Variants in SIK3 observed in about 807,000 individuals in gnomAD.
The protein encoded by SIK3 is serine/threonine-protein kinase SIK3.
SIK3 carries 28 observed loss-of-function variants against 144.2 expected under a neutral mutation model. That is an observed-to-expected ratio of 0.19 (90% confidence interval 0.14 to 0.27). SIK3 has a LOEUF of 0.27. SIK3 is among the 10% of genes least tolerant of loss of function. The pLI is 1.00. For synonymous variants in SIK3, 686 were observed against 676.3 expected (o/e 1.01, Z -0.22); for missense variants, 1,319 against 1,776.0 (o/e 0.74, Z 4.62).
chr11:116,868,759 C>T (rs902055381), intron 14 of SIK3: 5 of 152,262 alleles, frequency 3.3e-5, no homozygotes, highest in Admixed American at 2.6e-4. Flanking sequence ...AAAAGCAAGG[C>T]AAAAAATAAA....
At chr11:116,868,143 T>A in intron 14 of SIK3, 54 bp from the exon 15 acceptor site, 4 of 1,547,360 alleles carry the variant, frequency 2.6e-6, no homozygotes, top group Non-Finnish European at 3.5e-6. Flanking sequence ...GGAATATTCC[T>A]CCACAAGAAG....
chr11:116,888,049 T>C (rs1944917549), intron 6 of SIK3, among the ~76,000 whole-genome samples: 2 of 152,232 alleles, frequency 1.3e-5, no homozygotes, highest in African/African-American at 2.4e-5. Flanking sequence ...TTGAGCTAAC[T>C]ATATCCATTT....
At chr11:116,848,904 A>T (rs1232569656) in intron 22 of SIK3, among the ~76,000 whole-genome samples, 1 of 152,226 alleles carries the variant, frequency 6.6e-6, no homozygotes, top group African/African-American at 2.4e-5. Context: ...TAGAAGTTGC[A>T]GTGAGCTGAT....
At chr11:117,003,658 T>C (rs1396398292) in intron 1 of SIK3, among the ~76,000 whole-genome samples, 2 of 152,164 alleles carry the variant, frequency 1.3e-5, no homozygotes, top group Non-Finnish European at 2.9e-5. Flanking sequence ...TTCAATGCCA[T>C]GCCAGGCACA....
At chr11:116,895,909 C>T (rs1278118446) in intron 6 of SIK3, among the ~76,000 whole-genome samples, 2 of 152,174 alleles carry the variant, frequency 1.3e-5, no homozygotes, top group Non-Finnish European at 2.9e-5. Flanking sequence ...GCATTTATTG[C>T]ATTACTGCTA....
chr11:117,046,517 A>C (rs1194772502), intron 1 of SIK3, among the ~76,000 whole-genome samples: 1 of 152,206 alleles, frequency 6.6e-6, no homozygotes, highest in Admixed American at 6.5e-5. Context: ...TCATTTATAT[A>C]TCAATCTATG....
At chr11:116,932,938 G>A (rs142387393) in intron 3 of SIK3, among the ~76,000 whole-genome samples, 13 of 151,782 alleles carry the variant, frequency 8.6e-5, no homozygotes, top group African/African-American at 2.2e-4. Context: ...CTGCCACCAT[G>A]CCTAGCTAAT....
rs957711425 is a variant in SIK3 at position 116,895,716 on chromosome 11, C to T, written c.865+537G>A. On this transcript the variant is annotated intron_variant, in intron 6 of 24. Coordinates refer to ENST00000445177, the MANE Select transcript of SIK3 (RefSeq NM_001366686.3). ...AGACCTGCCTACCTTACTGCCCACT[C>T]GTTAAATAAAATTTTTTAAATTTGA... Among the ~76,000 whole-genome samples the T allele has an allele frequency of 3.3e-5, 5 of 152,028 alleles. No individual in the cohort carries two copies. In the East Asian group the frequency reaches 5.8e-4, roughly 18 times the overall value.
At chr11:116,876,506 G>T in intron 7 of SIK3, 143 bp from the exon 8 acceptor site, 1 of 704,090 alleles carries the variant, frequency 1.4e-6, no homozygotes, top group Non-Finnish European at 2.5e-6. Flanking sequence ...AGAGAGCCCT[G>T]AGTGATCAGC....
chr11:116,876,450 T>A (rs930240252), intron 7 of SIK3, 87 bp from the exon 8 acceptor site: 15 of 1,069,196 alleles, frequency 1.4e-5, no homozygotes, highest in Non-Finnish European at 1.7e-5. Flanking sequence ...ACCTGTTCCA[T>A]GCCCTCTGGC....
intron 1 of SIK3, among the ~76,000 whole-genome samples, chr11:116,982,421 TG>T (rs1039412026): frequency 1.3e-4 from 19 of 151,926 alleles, no homozygotes; most frequent in African/African-American, 4.1e-4. Context: ...CCCGAGTAGC[TG>T]GGATTACAGG....
intron 4 of SIK3, among the ~76,000 whole-genome samples, chr11:116,917,487 T>C (rs1946707664): frequency 6.6e-6 from 1 of 152,016 alleles, no homozygotes; most frequent in Admixed American, 6.6e-5. Flanking sequence ...GGTGAGAAGA[T>C]CTCTTGAGCT....
At position 116,863,758 on chromosome 11, in the gene SIK3, G is replaced by C; in HGVS notation, c.2013C>G (p.Arg671=). The part of the protein sequence containing the change: ...HLPTERFSPV[R]RFSDGAASIQ... ...TGCTCGCAGCCCCATCTGAGAACCG[G>C]CGCACAGGGGAGAAACGCTCCGTAG... Residue 671 remains arginine, a synonymous_variant, in exon 16 of 25, where the codon CGC becomes CGG. Transcript: ENST00000445177. 6.2e-7 allele frequency: 1 copy of C among 1,614,176 alleles called. No individual in the cohort carries two copies. The highest frequency in any genetic ancestry group is 8.5e-7 in the Non-Finnish European group (1 of 1,180,030).
intron 1 of SIK3, among the ~76,000 whole-genome samples, chr11:116,970,217 C>A (rs909589677): frequency 3.9e-5 from 6 of 152,164 alleles, no homozygotes; most frequent in Non-Finnish European, 8.8e-5. Context: ...GTCAAGGCTG[C>A]AGTGAGTTGT....
intron 1 of SIK3, among the ~76,000 whole-genome samples, chr11:117,066,443 A>G (rs112895963): frequency 6.6e-6 from 1 of 151,904 alleles, no homozygotes; most frequent in Non-Finnish European, 1.5e-5. Flanking sequence ...AAAAAAAAAA[A>G]TCTTTGCAAA....
At chr11:117,066,942 T>C (rs1261472508) in intron 1 of SIK3, among the ~76,000 whole-genome samples, 1 of 152,196 alleles carries the variant, frequency 6.6e-6, no homozygotes, top group Non-Finnish European at 1.5e-5. Context: ...TCATTAGTCA[T>C]TAGGGAAATG....
intron 15 of SIK3, chr11:116,864,603 A>G (rs1943530456): frequency 6.6e-6 from 1 of 152,308 alleles, no homozygotes; most frequent in African/African-American, 2.4e-5. Context: ...TGCCTAAGAC[A>G]GCATCGGGGT....
At chr11:117,021,063 C>T (rs78751576) in intron 1 of SIK3, among the ~76,000 whole-genome samples, 1,779 of 152,278 alleles carry the variant, frequency 0.012, 36 homozygotes, top group African/African-American at 0.04. Flanking sequence ...CATTAGAGGA[C>T]ACCAGCTGGC....
rs542018686 is a variant in SIK3, at chr11:116,868,024, G to A, written c.1874C>T (p.Pro625Leu). ...CTGTCCTAGCTGCCGTTGTAGGTCC[G>A]GTGGGATCTCAGCTGTAGGGTTGGT... is the stretch of plus-strand genomic sequence containing the variant. ...AMTNPTAEIP[P>L]DLQRQLGQQP... The change falls in exon 15 of 25, where the codon CCG becomes CTG. Residue 625 changes from proline to leucine, a missense_variant. By Grantham distance (98) the Pro-to-Leu change is moderately conservative (BLOSUM62 -3). This residue lies in a region of SIK3 where 167 missense variants were observed against 263.3 expected (regional missense o/e 0.63). Transcript: ENST00000445177. The A allele has an allele frequency of 6.6e-5, 102 of 1,550,612 alleles. 1 individual carries two copies. The South Asian group carries it at 1.1e-3, about 16-fold the overall frequency.
Sources: allele counts gnomAD v4.1 joint callset (sites outside exome capture counted in the v4.1 genomes callset), GRCh38; gene constraint gnomAD v4.1.1; regional missense constraint gnomAD v4.1.1; transcripts MANE v1.5; gene names NCBI Gene and HGNC (gene_info 2026-07-23, HGNC 2026-07-21).